Variants in SND1 observed in about 807,000 individuals in gnomAD.
SND1 encodes staphylococcal nuclease domain-containing protein 1.
SND1 carries 38 observed loss-of-function variants against 121.7 expected under a neutral mutation model. The ratio of observed to expected loss-of-function variants is 0.31; its 90% CI spans 0.24 to 0.41. The LOEUF is 0.41. Ranked by LOEUF, SND1 falls within the 10% of genes least tolerant of loss-of-function variation. The pLI, the probability that SND1 is intolerant of heterozygous loss-of-function variation, is 1.00. For missense variants in SND1, 868 were observed against 1,184.6 expected (o/e 0.73, Z 3.92); for synonymous variants, 401 against 447.4 (o/e 0.90, Z 1.31).
chr7:127,975,908 C>T (rs377321494), intron 15 of SND1, among the ~76,000 whole-genome samples: 6 of 152,236 alleles, frequency 3.9e-5, no homozygotes, highest in Admixed American at 1.3e-4. Flanking sequence ...ATTCTTCCTA[C>T]GTTCTTCCCA....
intron 12 of SND1, among the ~76,000 whole-genome samples, chr7:127,845,281 A>C (rs1799038129): frequency 1.3e-5 from 2 of 152,230 alleles, no homozygotes; most frequent in African/African-American, 4.8e-5. Context: ...GCTTCATGAA[A>C]GTCTCCTAAC....
chr7:127,668,700 G>A lies in SND1; in HGVS notation c.78+16249G>A, dbSNP rs543780712. Among the ~76,000 whole-genome samples the A allele has an allele frequency of 2.3e-4, 35 of 152,296 alleles. No homozygotes were observed. The East Asian group carries it at 6.4e-3, about 28-fold the overall frequency. The stretch of plus-strand genomic sequence containing the variant: ...AAGTGAATGAAAGCCGAACCCCTAA[G>A]AGCATGTACTGCACTCACAGCTGCT... On this transcript the variant is annotated intron_variant, in intron 1 of 23. Coordinates refer to ENST00000354725, the MANE Select transcript of SND1 (RefSeq NM_014390.4).
chr7:127,690,001 C>G (rs1366053018), intron 2 of SND1, among the ~76,000 whole-genome samples: 1 of 143,692 alleles, frequency 7.0e-6, no homozygotes, highest in African/African-American at 2.6e-5. Context: ...TAAAACCTCT[C>G]TTATCCATAC....
intron 12 of SND1, among the ~76,000 whole-genome samples, chr7:127,865,967 T>C (rs1023968804): frequency 6.6e-6 from 1 of 151,944 alleles, no homozygotes; most frequent in South Asian, 2.1e-4. Flanking sequence ...TGTATCATCT[T>C]ACTCTCATTT....
intron 20 of SND1, chr7:128,086,556 C>T: frequency 9.3e-6 from 3 of 321,296 alleles, no homozygotes; most frequent in South Asian, 5.2e-5. Flanking sequence ...TCTTGGTGTG[C>T]TCCCCTAGCC....
chr7:127,722,206 T>C (rs1212246815), intron 10 of SND1, among the ~76,000 whole-genome samples: 1 of 152,180 alleles, frequency 6.6e-6, no homozygotes, highest in African/African-American at 2.4e-5. Flanking sequence ...ATAGAACTAG[T>C]TCCTCAGTGA....
At chr7:127,781,113 G>A (rs530431697) in intron 10 of SND1, among the ~76,000 whole-genome samples, 8 of 152,218 alleles carry the variant, frequency 5.3e-5, no homozygotes, top group African/African-American at 9.6e-5. Context: ...TAAGAAAAGT[G>A]TCTGGTAGAA....
chr7:127,847,720 T>C (rs941376051), intron 12 of SND1, among the ~76,000 whole-genome samples: 1 of 152,256 alleles, frequency 6.6e-6, no homozygotes, highest in African/African-American at 2.4e-5. Flanking sequence ...AAAGCATGTG[T>C]TATTGAGCAA....
chr7:127,886,041 G>A (rs751623902), intron 12 of SND1, among the ~76,000 whole-genome samples: 2 of 152,000 alleles, frequency 1.3e-5, no homozygotes, highest in Non-Finnish European at 2.9e-5. Flanking sequence ...TGAGGCTGTT[G>A]CCTTCTCCAT....
chr7:127,956,104 G>C (rs1801586531), intron 15 of SND1, among the ~76,000 whole-genome samples: 1 of 152,166 alleles, frequency 6.6e-6, no homozygotes, highest in Non-Finnish European at 1.5e-5. Flanking sequence ...CCTCAGTTTA[G>C]CATACATGTC....
intron 16 of SND1, among the ~76,000 whole-genome samples, chr7:128,069,995 T>C (rs1268386969): frequency 6.6e-6 from 1 of 152,138 alleles, no homozygotes; most frequent in Non-Finnish European, 1.5e-5. Flanking sequence ...GCAGTCCAGG[T>C]ATTCAGCAAC....
chr7:127,703,566 G>A (rs558148818), intron 7 of SND1, among the ~76,000 whole-genome samples: 3 of 152,250 alleles, frequency 2.0e-5, no homozygotes, highest in African/African-American at 7.2e-5. Context: ...ACAAAAATTA[G>A]CCTGTCGTGG....
In SND1 at chr7:128,074,667, G is replaced by T. The variant is rs1374585992; in HGVS notation, c.1945G>T (p.Ala649Ser). Residue 649 changes from alanine (A) to serine (S), a missense_variant, in exon 17 of 24, where the codon GCC becomes TCC. By Grantham distance (99) the Ala-to-Ser change is moderately conservative. Around this residue, in one of 2 missense-constraint regions of SND1, gnomAD observed 743 missense variants for 1,071.3 expected, o/e 0.69. Coordinates refer to ENST00000354725, the MANE Select transcript of SND1 (RefSeq NM_014390.4). ...YYKSLLSAEEAAKQKKEKVWA... is the reference protein window; with the variant it reads ...YYKSLLSAEESAKQKKEKVWA... ...CAAGTCCCTGCTGTCTGCCGAGGAG[G>T]CCGCAAAGCAGAAGAAAGAGAAGGT... 6.2e-7 allele frequency: 1 copy of T among 1,612,862 alleles called. No homozygotes were observed. The highest frequency in any genetic ancestry group is 1.1e-5 in the South Asian group (1 of 90,904).
rs182823693 is a variant in SND1 at position 127,730,266 on chromosome 7, C to G, written c.1152+8866C>G. Among the ~76,000 whole-genome samples the G allele has an allele frequency of 9.4e-3, 1,429 of 152,294 alleles. 16 individuals are homozygous for G. The highest frequency in any genetic ancestry group is 0.016 in the Non-Finnish European group (1,059 of 68,028). On this transcript the variant is annotated intron_variant, in intron 10 of 23. Transcript: ENST00000354725. ...ACAGGTGTGAGCCACCGCGCCCAGC[C>G]TGACATTGGACAGCTCTTAGTCTCA...
At chr7:127,964,583 C>T (rs1247512826) in intron 15 of SND1, among the ~76,000 whole-genome samples, 1 of 152,042 alleles carries the variant, frequency 6.6e-6, no homozygotes, top group Non-Finnish European at 1.5e-5. Context: ...GGCGTTATTT[C>T]TGAGGGCCCT....
At chr7:127,893,757 G>A (rs981611901) in intron 13 of SND1, among the ~76,000 whole-genome samples, 1 of 152,026 alleles carries the variant, frequency 6.6e-6, no homozygotes, top group Non-Finnish European at 1.5e-5. Context: ...AGAAAACCAT[G>A]GTGGTGTCAT....
At chr7:128,013,760 G>A (rs1005331645) in intron 16 of SND1, among the ~76,000 whole-genome samples, 5 of 152,206 alleles carry the variant, frequency 3.3e-5, no homozygotes, top group Non-Finnish European at 7.3e-5. Flanking sequence ...GATCTCACAT[G>A]AGGCGGAGCC....
At chr7:128,000,077 T>TAAACAA (rs1554454239) in intron 16 of SND1, 1 of 103,190 alleles carries the variant, frequency 9.7e-6, no homozygotes, top group African/African-American at 3.7e-5. Context: ...GAGTGTTCTC[T>TAAACAA]AAAAAAAAAA....
At chr7:127,924,253 A>T (rs549681151) in intron 14 of SND1, among the ~76,000 whole-genome samples, 1 of 152,284 alleles carries the variant, frequency 6.6e-6, no homozygotes, top group Non-Finnish European at 1.5e-5. Flanking sequence ...ATACTTCCCC[A>T]GTAATAAGTT....
Sources: allele counts gnomAD v4.1 joint callset (sites outside exome capture counted in the v4.1 genomes callset), GRCh38; gene constraint gnomAD v4.1.1; regional missense constraint gnomAD v4.1.1; transcripts MANE v1.5; gene names NCBI Gene and HGNC (gene_info 2026-07-23, HGNC 2026-07-21).